Variants in GLT8D2 observed in about 807,000 individuals in gnomAD.
GLT8D2 encodes the protein glycosyltransferase 8 domain-containing protein 2.
Under a neutral mutation model 44.5 loss-of-function variants are expected in GLT8D2, and 45 were observed. The ratio of observed to expected loss-of-function variants is 1.01; its 90% CI spans 0.80 to 1.30. GLT8D2 has a LOEUF of 1.30. Among genes scored for constraint, GLT8D2 ranks in the 50% most tolerant of loss-of-function variants. The pLI, the probability that GLT8D2 is intolerant of heterozygous loss-of-function variation, is 0.00. For missense variants in GLT8D2, 400 were observed against 430.4 expected, an observed-to-expected ratio of 0.93 and a Z score of 0.62; for synonymous variants, 156 against 157.2, an observed-to-expected ratio of 0.99 and a Z score of 0.06.
chr12:104,012,413 C>G (rs1356531667), intron 4 of GLT8D2, among the ~76,000 whole-genome samples: 1 of 152,072 alleles, frequency 6.6e-6, no homozygotes, highest in Non-Finnish European at 1.5e-5. Context: ...TTCATGCGGT[C>G]CAAATGCTTT....
chr12:103,993,062 T>C (rs891499275), intron 10 of GLT8D2, among the ~76,000 whole-genome samples: 1 of 152,152 alleles, frequency 6.6e-6, no homozygotes, highest in Non-Finnish European at 1.5e-5. Context: ...CCGGGCATGG[T>C]GGCTTATGCC....
intron 1 of GLT8D2, among the ~76,000 whole-genome samples, chr12:104,032,888 T>TG (rs1382557314): frequency 1.3e-5 from 2 of 151,724 alleles, no homozygotes; most frequent in Non-Finnish European, 2.9e-5. Flanking sequence ...TATTTTTTTT[T>TG]TTTTTTGAGA....
At chr12:104,019,118 C>CTTTTTTTTTTTTTTTT (rs11291563) in intron 3 of GLT8D2, among the ~76,000 whole-genome samples, 1 of 116,464 alleles carries the variant, frequency 8.6e-6, no homozygotes. Flanking sequence ...ACTTCTTCTT[C>CTTTTTTTTTTTTTTTT]TTTTTTTTTT....
chr12:104,037,889 T>C (rs1266221877), intron 1 of GLT8D2, among the ~76,000 whole-genome samples: 5 of 152,078 alleles, frequency 3.3e-5, no homozygotes, highest in Non-Finnish European at 7.4e-5. Flanking sequence ...CAGTGCGAAA[T>C]CCTCAATAAA....
At chr12:103,992,117 C>CCCAG in intron 10 of GLT8D2, among the ~76,000 whole-genome samples, 1 of 152,340 alleles carries the variant, frequency 6.6e-6, no homozygotes, top group Middle Eastern at 3.4e-3. Flanking sequence ...ACATGTCTGG[C>CCCAG]CCAGCGGTTT....
At chr12:104,016,839 AAAG>A (rs1876875001) in intron 3 of GLT8D2, among the ~76,000 whole-genome samples, 1 of 140,642 alleles carries the variant, frequency 7.1e-6, no homozygotes, top group Non-Finnish European at 1.6e-5. Flanking sequence ...AGAAAGAAAG[AAAG>A]AAAGAAAGAA....
intron 10 of GLT8D2, among the ~76,000 whole-genome samples, chr12:103,991,667 A>T (rs1458587334): frequency 6.6e-6 from 1 of 152,122 alleles, no homozygotes; most frequent in Non-Finnish European, 1.5e-5. Context: ...ACCCAACATG[A>T]CTATAAATCA....
At chr12:104,019,882 C>A (rs948475750) in intron 2 of GLT8D2, among the ~76,000 whole-genome samples, 2 of 152,134 alleles carry the variant, frequency 1.3e-5, no homozygotes, top group Non-Finnish European at 2.9e-5. Context: ...ACAAACCTTA[C>A]TAAGGGTCCT....
chr12:104,043,312 C>T (rs1041644054), intron 1 of GLT8D2, among the ~76,000 whole-genome samples: 1 of 152,156 alleles, frequency 6.6e-6, no homozygotes, highest in East Asian at 1.9e-4. Flanking sequence ...ATTTCTATCT[C>T]CAGGCCAGCC....
At chr12:104,041,352 T>G (rs1417433600) in intron 1 of GLT8D2, among the ~76,000 whole-genome samples, 1 of 152,214 alleles carries the variant, frequency 6.6e-6, no homozygotes. Flanking sequence ...AGACAGAGGT[T>G]GCAGTCGGCC....
At chr12:104,009,655 T>C (rs1445726240) in intron 4 of GLT8D2, among the ~76,000 whole-genome samples, 1 of 152,200 alleles carries the variant, frequency 6.6e-6, no homozygotes, top group African/African-American at 2.4e-5. Context: ...TGATATGGTT[T>C]GGCTCTGTGT....
chr12:104,012,974 C>T (rs752394085), intron 4 of GLT8D2: 26 of 571,106 alleles, frequency 4.6e-5, no homozygotes, highest in Non-Finnish European at 7.1e-5. Flanking sequence ...CTGCTCACAC[C>T]TTGATCCTGG....
intron 2 of GLT8D2, among the ~76,000 whole-genome samples, chr12:104,019,980 T>C (rs1255531201): frequency 6.6e-6 from 1 of 152,116 alleles, no homozygotes; most frequent in Non-Finnish European, 1.5e-5. Flanking sequence ...AATGCAGTGG[T>C]GCGATCTTGG....
intron 4 of GLT8D2, among the ~76,000 whole-genome samples, chr12:104,003,848 A>G (rs1874583994): frequency 1.3e-5 from 2 of 152,364 alleles, no homozygotes; most frequent in South Asian, 4.1e-4. Flanking sequence ...CCAAAGAGTT[A>G]AAGAAACCAA....
At position 103,994,457 on chromosome 12, in the gene GLT8D2, CT is replaced by C. The variant is rs779695127; in HGVS notation, c.644del (p.Lys215ArgfsTer16). The part of the protein sequence containing the change: ...GYLDYRKKAI[K>X]DLGISPSTCS... ...AGGTGCTGGGGCTGATGCCAAGGTC[CT>C]TGATGGCCTTCTTCCGGTAGTCCAG... On this transcript the variant is annotated frameshift_variant, in exon 9 of 11. Coordinates refer to ENST00000360814, the MANE Select transcript of GLT8D2 (RefSeq NM_001384711.1). LOFTEE classifies it high-confidence loss of function. 51 of 1,614,068 alleles carry C rather than the reference CT, an allele frequency of 3.2e-5. 1 individual carries two copies. The South Asian group carries it at 5.6e-4, about 18-fold the overall frequency.
intron 1 of GLT8D2, among the ~76,000 whole-genome samples, chr12:104,024,528 C>A (rs1302608488): frequency 2.0e-5 from 3 of 152,242 alleles, no homozygotes; most frequent in South Asian, 2.1e-4. Flanking sequence ...TGAGAAAGTT[C>A]CAGTTGCTCT....
chr12:104,021,959 AGAAGAG>A (rs1228054854), intron 1 of GLT8D2, among the ~76,000 whole-genome samples: 3 of 15,052 alleles, frequency 2.0e-4, no homozygotes, highest in East Asian at 9.1e-3. Context: ...AAGAAGAGGA[AGAAGAG>A]GAAGAGGAAG....
At chr12:104,047,346 C>T (rs1468713348) in intron 1 of GLT8D2, among the ~76,000 whole-genome samples, 1 of 147,930 alleles carries the variant, frequency 6.8e-6, no homozygotes, top group African/African-American at 2.5e-5. Flanking sequence ...CTCTCGTTGC[C>T]CAGGCTGGAG....
chr12:104,039,742 G>T (rs574098984), intron 1 of GLT8D2, among the ~76,000 whole-genome samples: 3 of 152,264 alleles, frequency 2.0e-5, no homozygotes, highest in African/African-American at 4.8e-5. Context: ...GTGTGGTGAT[G>T]CCTCAAGGAT....
Sources: gnomAD v4.1 joint callset for allele counts (sites outside exome capture counted in the v4.1 genomes callset) on GRCh38, gnomAD v4.1.1 for gene constraint, MANE v1.5 for transcripts, NCBI Gene and HGNC (gene_info 2026-07-23, HGNC 2026-07-21) for gene names.